The following PALLD variants were observed in gnomAD, a reference collection of about 807,000 sequenced individuals.
The protein encoded by PALLD is palladin.
Under a neutral mutation model 123.5 loss-of-function variants are expected in PALLD, and 61 were observed. The observed-to-expected ratio is 0.49, with a 90% CI of 0.40 to 0.61. The LOEUF is 0.61. Among genes scored for constraint, PALLD ranks in the 20% least tolerant of loss-of-function variants. The probability of loss-of-function intolerance (pLI) is 0.00; values close to 1 mark genes in which losing one functional copy is unlikely to be tolerated. For missense variants in PALLD, 1,273 were observed against 1,377.0 expected (o/e 0.92, Z 1.20); for synonymous variants, 465 against 496.4 (o/e 0.94, Z 0.84).
intron 10 of PALLD, among the ~76,000 whole-genome samples, chr4:168,751,088 C>T (rs1254272265): frequency 6.6e-6 from 1 of 151,706 alleles, no homozygotes; most frequent in Non-Finnish European, 1.5e-5. Flanking sequence ...TCTTGGCTCA[C>T]CGTAACCTCC....
intron 2 of PALLD, among the ~76,000 whole-genome samples, chr4:168,561,448 T>A (rs1040113133): frequency 7.3e-5 from 11 of 151,248 alleles, no homozygotes; most frequent in African/African-American, 2.4e-4. Flanking sequence ...AATTTTTAAA[T>A]TTTTTTTTGG....
At chr4:168,779,245 A>G (rs1207302487) in intron 10 of PALLD, among the ~76,000 whole-genome samples, 1 of 152,214 alleles carries the variant, frequency 6.6e-6, no homozygotes, top group East Asian at 1.9e-4. Flanking sequence ...TTTAAAAAGC[A>G]TCAGTGCTTC....
At chr4:168,866,974 G>A (rs1390324360) in intron 10 of PALLD, among the ~76,000 whole-genome samples, 9 of 152,184 alleles carry the variant, frequency 5.9e-5, no homozygotes, top group South Asian at 2.1e-4. Flanking sequence ...TGAGGAAGTC[G>A]CATTGCACAT....
intron 10 of PALLD, among the ~76,000 whole-genome samples, chr4:168,785,351 A>G (rs929593281): frequency 1.2e-4 from 19 of 152,194 alleles, no homozygotes; most frequent in Middle Eastern, 3.4e-3. Context: ...TACTGGTTCC[A>G]AGTTCACTCG....
At chr4:168,593,831 G>A (rs1365350754) in intron 2 of PALLD, among the ~76,000 whole-genome samples, 6 of 152,118 alleles carry the variant, frequency 3.9e-5, no homozygotes, top group Non-Finnish European at 8.8e-5. Flanking sequence ...GTACATCTGT[G>A]TTTAAAATGA....
intron 2 of PALLD, among the ~76,000 whole-genome samples, chr4:168,666,651 A>G (rs998220190): frequency 6.6e-6 from 1 of 152,220 alleles, no homozygotes; most frequent in African/African-American, 2.4e-5. Context: ...GGGCCAAGTT[A>G]TATGAAAACC....
At chr4:168,574,786 T>C (rs892715031) in intron 2 of PALLD, among the ~76,000 whole-genome samples, 2 of 152,098 alleles carry the variant, frequency 1.3e-5, no homozygotes, top group African/African-American at 4.8e-5. Context: ...TTAGCTACTA[T>C]AGAGAACTCA....
intron 3 of PALLD, among the ~76,000 whole-genome samples, chr4:168,679,958 G>A (rs1389689009): frequency 2.6e-5 from 4 of 152,050 alleles, no homozygotes; most frequent in African/African-American, 9.7e-5. Context: ...AAACATTCCA[G>A]CAGAGTTACC....
intron 2 of PALLD, among the ~76,000 whole-genome samples, chr4:168,540,015 T>C (rs1765464225): frequency 6.6e-6 from 1 of 152,026 alleles, no homozygotes; most frequent in Non-Finnish European, 1.5e-5. Flanking sequence ...CATCTTTATG[T>C]CCATGTCATA....
chr4:168,593,249 C>CT (rs1185558030), intron 2 of PALLD, among the ~76,000 whole-genome samples: 1 of 151,986 alleles, frequency 6.6e-6, no homozygotes, highest in Non-Finnish European at 1.5e-5. Context: ...TCCTACTAAG[C>CT]TTTTTTCCAA....
chr4:168,794,575 G>C (rs1367861134), intron 10 of PALLD, among the ~76,000 whole-genome samples: 1 of 151,352 alleles, frequency 6.6e-6, no homozygotes, highest in Non-Finnish European at 1.5e-5. Context: ...TCACTAGCTA[G>C]AGGGGTTATC....
At chr4:168,758,456 C>G (rs1271070641) in intron 10 of PALLD, among the ~76,000 whole-genome samples, 1 of 152,184 alleles carries the variant, frequency 6.6e-6, no homozygotes, top group South Asian at 2.1e-4. Flanking sequence ...TCTAAAGAAT[C>G]CACTGCTTGG....
At chr4:168,729,841 C>T (rs1314086038) in intron 10 of PALLD, among the ~76,000 whole-genome samples, 1 of 152,130 alleles carries the variant, frequency 6.6e-6, no homozygotes, top group African/African-American at 2.4e-5. Flanking sequence ...GACTGTTTGG[C>T]TAGGTTTAAG....
chr4:168,511,407 C>A lies in PALLD; in HGVS notation c.-82-16C>A. On this transcript the variant is annotated splice_polypyrimidine_tract_variant and intron_variant, in intron 1 of 21. Coordinates refer to ENST00000505667, the MANE Select transcript of PALLD (RefSeq NM_001166108.2). ...AAAAATCATTGCTACTAATGACATT[C>A]TATGCTGTCTTTCAGAACACAGTTT... 1.1e-6 allele frequency: 1 copy of A among 887,192 alleles called. No individual in the cohort carries two copies. The highest frequency in any genetic ancestry group is 1.9e-6 in the Non-Finnish European group (1 of 536,892). 55.0% of individuals were successfully genotyped at this position (887,192 alleles called of 1,614,324 possible).
At chr4:168,682,650 G>T (rs1781658483) in intron 4 of PALLD, among the ~76,000 whole-genome samples, 1 of 152,126 alleles carries the variant, frequency 6.6e-6, no homozygotes, top group African/African-American at 2.4e-5. Flanking sequence ...ATAAAGATTG[G>T]ATTTTTTCCA....
Position 168,793,191 on chromosome 4 carries a change from A to G in PALLD, c.1964+81268A>G, listed in dbSNP as rs1320660634. Among the ~76,000 whole-genome samples the G allele has an allele frequency of 7.0e-5, 8 of 114,936 alleles. 1 individual carries two copies. 75.4% of individuals were successfully genotyped at this position (114,936 alleles called of 152,430 possible). A position where few individuals can be genotyped will look rare whatever the true frequency, so the allele number is the denominator to read the frequency against. On this transcript the variant is annotated intron_variant, in intron 10 of 21. Transcript: ENST00000505667. ...TATATGTGTGCATATATATACATAT[A>G]TATGTGTGCATATATATACATATAT...
intron 2 of PALLD, among the ~76,000 whole-genome samples, chr4:168,635,141 C>T (rs555658785): frequency 3.9e-5 from 6 of 152,254 alleles, no homozygotes; most frequent in African/African-American, 7.2e-5. Flanking sequence ...CCAGGGTACC[C>T]GAGGGCCACA....
At chr4:168,883,781 C>T (rs1265581194) in intron 10 of PALLD, among the ~76,000 whole-genome samples, 1 of 152,054 alleles carries the variant, frequency 6.6e-6, no homozygotes, top group Non-Finnish European at 1.5e-5. Context: ...GTTTTTTGTA[C>T]AGTTGGGCTG....
At chr4:168,843,854 A>G (rs1007320055) in intron 10 of PALLD, 44 of 103,116 alleles carry the variant, frequency 4.3e-4, no homozygotes, top group Admixed American at 3.5e-3. Flanking sequence ...GGCTGGAAAC[A>G]ACGTTACGGA....
Sources: gnomAD v4.1 joint callset for allele counts (sites outside exome capture counted in the v4.1 genomes callset) on GRCh38, gnomAD v4.1.1 for gene constraint, MANE v1.5 for transcripts, NCBI Gene and HGNC (gene_info 2026-07-23, HGNC 2026-07-21) for gene names.